The following DIAPH2 variants were observed in gnomAD, a reference collection of about 807,000 sequenced individuals.
DIAPH2 encodes the protein protein diaphanous homolog 2.
A neutral mutation model predicts 92.7 loss-of-function variants in DIAPH2; 35 were observed. The ratio of observed to expected loss-of-function variants is 0.38; its 90% confidence interval spans 0.29 to 0.50. The LOEUF (loss-of-function observed/expected upper bound fraction) is 0.50, where lower values mean the gene tolerates loss of function less well. DIAPH2 is among the 20% of genes least tolerant of loss of function. The pLI, the probability that DIAPH2 is intolerant of heterozygous loss-of-function variation, is 0.94. For missense variants in DIAPH2, 701 were observed against 819.5 expected (o/e 0.86, Z 1.77); for synonymous variants, 301 against 280.4 (o/e 1.07, Z -0.73).
chrX:97,409,018 C>G (rs1349865610), intron 25 of DIAPH2, among the ~76,000 whole-genome samples: 2 of 111,892 alleles, frequency 1.8e-5, no homozygotes, highest in Non-Finnish European at 1.9e-5. Flanking sequence ...ATGGGAGAGA[C>G]TAGAAACAGG....
At chrX:96,985,981 TG>T (rs1337368992) in intron 17 of DIAPH2, among the ~76,000 whole-genome samples, 1 of 111,350 alleles carries the variant, frequency 9.0e-6, no homozygotes, top group Admixed American at 9.6e-5. Context: ...TATCAAAATA[TG>T]TTTTTTTTAA....
At chrX:96,774,472 C>T (rs368606479) in intron 4 of DIAPH2, among the ~76,000 whole-genome samples, 2 of 111,881 alleles carry the variant, frequency 1.8e-5, no homozygotes, top group African/African-American at 6.5e-5. Flanking sequence ...CCTCTGTGCA[C>T]GTGTTGCTCA....
chrX:96,687,977 T>G (rs1269817606), intron 1 of DIAPH2, among the ~76,000 whole-genome samples: 1 of 111,937 alleles, frequency 8.9e-6, no homozygotes, highest in Admixed American at 9.5e-5. Flanking sequence ...TCAAACAGCA[T>G]GAATCTTAGA....
At position 97,099,246 on chromosome X, in the gene DIAPH2, A is replaced by G. The variant is rs755103702; in HGVS notation, c.2248-448A>G. 8.1e-4 allele frequency among the ~76,000 whole-genome samples: 90 copies of G among 110,604 alleles called. 1 individual carries two copies. In the East Asian group the frequency reaches 0.015, roughly 18 times the overall value. Reference sequence around the variant, plus strand: ...CCCGGCATGGTGGCGGGCGCCTGTTATCCCAGCTACTCGTGAGGCTGAGGC... The same window carrying G: ...CCCGGCATGGTGGCGGGCGCCTGTTGTCCCAGCTACTCGTGAGGCTGAGGC... On this transcript the variant is annotated intron_variant, in intron 19 of 26. Coordinates refer to ENST00000324765, the MANE Select transcript of DIAPH2 (RefSeq NM_006729.5).
At chrX:97,545,698 C>T (rs1045701086) in intron 26 of DIAPH2, among the ~76,000 whole-genome samples, 2 of 109,015 alleles carry the variant, frequency 1.8e-5, no homozygotes, top group Non-Finnish European at 3.8e-5. Context: ...AAATTTCTCC[C>T]GTAATTCCTA....
At chrX:97,341,825 A>G (rs965172539) in intron 23 of DIAPH2, among the ~76,000 whole-genome samples, 7 of 111,570 alleles carry the variant, frequency 6.3e-5, no homozygotes, top group African/African-American at 2.3e-4. Context: ...TCCCACCCTC[A>G]TTGAGGAGGG....
intron 26 of DIAPH2, among the ~76,000 whole-genome samples, chrX:97,596,174 C>G (rs1024892502): frequency 8.9e-6 from 1 of 111,828 alleles, no homozygotes; most frequent in Non-Finnish European, 1.9e-5. Context: ...ATTAGAATCC[C>G]TTAATGAATT....
chrX:97,019,687 A>C (rs984369868), intron 17 of DIAPH2, among the ~76,000 whole-genome samples: 2 of 111,638 alleles, frequency 1.8e-5, no homozygotes, highest in Non-Finnish European at 3.8e-5. Context: ...CTTCTCTAGA[A>C]TAATCATCCA....
chrX:97,382,793 C>A (rs1303801494), intron 24 of DIAPH2, among the ~76,000 whole-genome samples: 1 of 111,443 alleles, frequency 9.0e-6, no homozygotes, highest in African/African-American at 3.3e-5. Context: ...GTTTTTAAGG[C>A]TATTTTAAAC....
chrX:97,474,629 G>A (rs1435537276), intron 26 of DIAPH2, among the ~76,000 whole-genome samples: 4 of 110,447 alleles, frequency 3.6e-5, no homozygotes, highest in African/African-American at 1.3e-4. Flanking sequence ...AGCCGGGTGT[G>A]GTGGCGGGTG....
At chrX:97,486,586 A>G (rs1013954592) in intron 26 of DIAPH2, among the ~76,000 whole-genome samples, 1 of 111,577 alleles carries the variant, frequency 9.0e-6, no homozygotes, top group Non-Finnish European at 1.9e-5. Flanking sequence ...AAAATTATTC[A>G]CAGACCTTGA....
At chrX:96,904,826 C>A (rs2065422172) in intron 5 of DIAPH2, among the ~76,000 whole-genome samples, 2 of 110,675 alleles carry the variant, frequency 1.8e-5, no homozygotes. Context: ...TTAAAAAAAA[C>A]AAACCAAAAC....
At chrX:96,772,540 A>G (rs1318515612) in intron 4 of DIAPH2, among the ~76,000 whole-genome samples, 1 of 112,238 alleles carries the variant, frequency 8.9e-6, no homozygotes, top group Non-Finnish European at 1.9e-5. Context: ...TCTAGTTTAT[A>G]TGCTTGTATG....
chrX:96,977,368 A>T (rs2065968730), intron 17 of DIAPH2, among the ~76,000 whole-genome samples: 2 of 111,845 alleles, frequency 1.8e-5, no homozygotes, highest in South Asian at 7.5e-4. Flanking sequence ...TTTTCTAATA[A>T]TGAGGGAAGG....
chrX:97,294,021 T>C (rs1051285605), intron 23 of DIAPH2, among the ~76,000 whole-genome samples: 2 of 112,392 alleles, frequency 1.8e-5, no homozygotes, highest in Admixed American at 1.9e-4. Context: ...TAAAAACAGC[T>C]TGAAGGAAGG....
chrX:96,825,144 T>C (rs2064805831), intron 4 of DIAPH2, among the ~76,000 whole-genome samples: 1 of 104,828 alleles, frequency 9.5e-6, no homozygotes, highest in Admixed American at 1.0e-4. Context: ...TTAGTACATA[T>C]GGGGTTTTGC....
chrX:97,238,570 G>GTT (rs774159195), intron 22 of DIAPH2, among the ~76,000 whole-genome samples: 14 of 100,105 alleles, frequency 1.4e-4, no homozygotes, highest in African/African-American at 3.2e-4. Context: ...TTTTTAACAG[G>GTT]TTTTTTTTTT....
At chrX:96,874,658 A>G (rs2065166711) in intron 4 of DIAPH2, among the ~76,000 whole-genome samples, 3 of 112,045 alleles carry the variant, frequency 2.7e-5, no homozygotes, top group Non-Finnish European at 5.6e-5. Flanking sequence ...GAGTATCTAG[A>G]TCAAATGAGG....
intron 22 of DIAPH2, among the ~76,000 whole-genome samples, chrX:97,201,838 G>A (rs182556170): frequency 1.2e-3 from 128 of 110,894 alleles, no homozygotes; most frequent in Non-Finnish European, 1.8e-3. Flanking sequence ...TACTCCATGA[G>A]AAGGTCAACC....
Sources: allele counts gnomAD v4.1 joint callset (sites outside exome capture counted in the v4.1 genomes callset), GRCh38; gene constraint gnomAD v4.1.1; transcripts MANE v1.5; gene names NCBI Gene and HGNC (gene_info 2026-07-23, HGNC 2026-07-21).